Variants in NBAS observed in about 807,000 individuals in gnomAD.
NBAS encodes the protein NBAS subunit of NRZ tethering complex.
NBAS carries 219 observed loss-of-function variants against 302.5 expected under a neutral mutation model. The observed-to-expected ratio is 0.72, with a 90% CI of 0.65 to 0.81. The LOEUF is 0.81. Among genes scored for constraint, NBAS ranks in the 30% least tolerant of loss-of-function variants. The pLI is 0.00. For missense variants in NBAS, 2,932 were observed against 2,841.6 expected (o/e 1.03, Z -0.72); for synonymous variants, 1,118 against 1,021.6 (o/e 1.09, Z -1.80).
chr2:15,184,656 G>A (rs912555445), intron 50 of NBAS, among the ~76,000 whole-genome samples: 13 of 152,090 alleles, frequency 8.5e-5, no homozygotes, highest in African/African-American at 1.9e-4. Context: ...TTCACTCATC[G>A]CCAGCCACTC....
the NBAS span, among the ~76,000 whole-genome samples, chr2:14,829,549 A>T: frequency 0.037 from 5,623 of 152,306 alleles, 148 homozygotes; most frequent in Non-Finnish European, 0.057. Flanking sequence ...TGGACAAAGT[A>T]CATTTCTAAG....
chr2:15,013,591 C>T, the NBAS span, among the ~76,000 whole-genome samples: 1 of 152,076 alleles, frequency 6.6e-6, no homozygotes, highest in African/African-American at 2.4e-5. Context: ...CAAGATCAGT[C>T]TAGCCAACAT....
the NBAS span, among the ~76,000 whole-genome samples, chr2:14,869,721 C>G: frequency 6.6e-6 from 1 of 152,112 alleles, no homozygotes; most frequent in Non-Finnish European, 1.5e-5. Context: ...TTTCCACGTC[C>G]CTCTTGGGCC....
the NBAS span, among the ~76,000 whole-genome samples, chr2:14,867,044 G>C: frequency 0.015 from 2,320 of 152,274 alleles, 70 homozygotes; most frequent in African/African-American, 0.053. Flanking sequence ...TGGCTTATAA[G>C]CTATGCAGAG....
Position 15,401,872 on chromosome 2 carries a change from G to C in NBAS, c.3071+296C>G, listed in dbSNP as rs571154155. 8.5e-5 allele frequency among the ~76,000 whole-genome samples: 13 copies of C among 152,170 alleles called. 1 individual carries two copies. The South Asian group carries it at 1.5e-3, about 17-fold the overall frequency. On this transcript the variant is annotated intron_variant, in intron 26 of 51. Coordinates refer to ENST00000281513, the MANE Select transcript of NBAS (RefSeq NM_015909.4). ...ATTACTACCTACTGACTTATAAAAA[G>C]TAGTTTTTGTGGAGATCGTGGTGGT... is the stretch of plus-strand genomic sequence containing the variant.
chr2:14,989,824 T>C, the NBAS span, among the ~76,000 whole-genome samples: 1 of 152,150 alleles, frequency 6.6e-6, no homozygotes, highest in African/African-American at 2.4e-5. Flanking sequence ...TATACTTACT[T>C]AGAACAGTAT....
intron 35 of NBAS, among the ~76,000 whole-genome samples, chr2:15,342,587 A>G (rs1672904972): frequency 6.6e-6 from 1 of 152,136 alleles, no homozygotes; most frequent in Admixed American, 6.6e-5. Flanking sequence ...AGAAATGTTT[A>G]TATCTAAGCA....
chr2:15,056,638 A>G, the NBAS span, among the ~76,000 whole-genome samples: 1 of 152,254 alleles, frequency 6.6e-6, no homozygotes, highest in African/African-American at 2.4e-5. Flanking sequence ...AACTTGAGCT[A>G]AGCTTTTGGC....
chr2:15,474,206 C>T lies in NBAS; in HGVS notation c.1460G>A (p.Gly487Asp). The part of the protein sequence containing the change: ...YEISAKARYF[G>D]YIKQGLYLVT... Reference sequence around the variant, plus strand: ...CAAGTAAAGGCCCTGTTTTATATAACCAAAGTAGCGAGCCTTGGCAGATAT... The same window carrying T: ...CAAGTAAAGGCCCTGTTTTATATAATCAAAGTAGCGAGCCTTGGCAGATAT... Residue 487 changes from glycine (G) to aspartate (D), a missense_variant, in exon 15 of 52, where the codon GGT becomes GAT. By Grantham distance (94) the Gly-to-Asp change is moderately conservative. Transcript: ENST00000281513. The T allele has an allele frequency of 1.2e-6, 2 of 1,614,046 alleles. No individual in the cohort carries two copies. Among genetic ancestry groups the T allele is most frequent in the Non-Finnish European group, 1.7e-6 (2 of 1,180,002 alleles).
At chr2:14,899,944 G>C in the NBAS span, among the ~76,000 whole-genome samples, 2 of 152,066 alleles carry the variant, frequency 1.3e-5, no homozygotes, top group Non-Finnish European at 2.9e-5. Context: ...AGAAAGAGAG[G>C]GTTCATAGAA....
At chr2:14,848,284 G>A in the NBAS span, among the ~76,000 whole-genome samples, 4 of 146,474 alleles carry the variant, frequency 2.7e-5, no homozygotes, top group African/African-American at 8.2e-5. Context: ...AGGGGTCAGG[G>A]AGTTCCCTTT....
At chr2:15,469,840 G>A (rs1467129677) in intron 16 of NBAS, among the ~76,000 whole-genome samples, 4 of 130,938 alleles carry the variant, frequency 3.1e-5, no homozygotes, top group Non-Finnish European at 1.6e-5. Context: ...CCTGCTGGGG[G>A]GTGGGGGGAG....
Position 15,467,698 on chromosome 2 carries a change from T to G in NBAS, c.1984A>C (p.Arg662=). The change falls in exon 18 of 52, where the codon AGA becomes CGA. Residue 662 remains arginine, a synonymous_variant. Transcript: ENST00000281513. ...TTCACTAATTTCAGTAGTTCTTGTCTCTTCTTGAGCTCCTTTTCCTTTTTA... is the reference window on the plus strand; with the variant it reads ...TTCACTAATTTCAGTAGTTCTTGTCGCTTCTTGAGCTCCTTTTCCTTTTTA... The part of the protein sequence containing the change: ...KNKKEKELKK[R]QELLKLVNFS... The G allele has an allele frequency of 6.2e-7, 1 of 1,612,938 alleles. No individual in the cohort carries two copies. The highest frequency in any genetic ancestry group is 1.3e-5 in the African/African-American group (1 of 75,016).
intron 9 of NBAS, among the ~76,000 whole-genome samples, chr2:15,526,579 A>C (rs565142923): frequency 6.6e-6 from 1 of 152,270 alleles, no homozygotes; most frequent in East Asian, 1.9e-4. Context: ...AAGACCACAT[A>C]ATGGAAAATA....
the NBAS span, among the ~76,000 whole-genome samples, chr2:15,035,842 G>A: frequency 2.0e-5 from 3 of 152,044 alleles, no homozygotes; most frequent in Admixed American, 6.5e-5. Context: ...CCTGTCCGGG[G>A]TGGGAGAACG....
chr2:15,262,267 T>C (rs1668882993), intron 44 of NBAS, among the ~76,000 whole-genome samples: 1 of 152,194 alleles, frequency 6.6e-6, no homozygotes, highest in Admixed American at 6.5e-5. Context: ...GAAACTAACA[T>C]GACAGAAAGT....
At chr2:15,105,950 A>T in the NBAS span, among the ~76,000 whole-genome samples, 75 of 152,320 alleles carry the variant, frequency 4.9e-4, no homozygotes, top group African/African-American at 1.7e-3. Flanking sequence ...CTTGAGCTAC[A>T]TCTGTCCAAA....
chr2:15,428,707 AAT>A (rs1677603501), intron 21 of NBAS, among the ~76,000 whole-genome samples: 1 of 152,156 alleles, frequency 6.6e-6, no homozygotes, highest in Non-Finnish European at 1.5e-5. Context: ...CAAGAAAGAA[AAT>A]CTACAGGAGG....
chr2:15,142,393 T>C, the NBAS span, among the ~76,000 whole-genome samples: 11 of 152,288 alleles, frequency 7.2e-5, no homozygotes, highest in African/African-American at 2.6e-4. Context: ...TTTCTCAGCT[T>C]GAAATGCTTC....
Sources: gnomAD v4.1 joint callset for allele counts (sites outside exome capture counted in the v4.1 genomes callset) on GRCh38, gnomAD v4.1.1 for gene constraint, MANE v1.5 for transcripts, NCBI Gene and HGNC (gene_info 2026-07-23, HGNC 2026-07-21) for gene names.